The following TBC1D4 variants were observed in gnomAD, a reference collection of about 807,000 sequenced individuals.
TBC1D4 encodes TBC1 domain family member 4.
In TBC1D4, 121 loss-of-function variants were observed where a neutral mutation model predicts 142.5. The observed-to-expected ratio is 0.85, with a 90% CI of 0.73 to 0.99. TBC1D4 has a LOEUF of 0.99. Ranked by LOEUF, TBC1D4 falls within the 50% of genes least tolerant of loss-of-function variation. TBC1D4 has a pLI of 0.00. For missense variants in TBC1D4, 1,475 were observed against 1,606.6 expected, an observed-to-expected ratio of 0.92 and a Z score of 1.40; for synonymous variants, 630 against 628.2, an observed-to-expected ratio of 1.00 and a Z score of -0.04.
intron 13 of TBC1D4, among the ~76,000 whole-genome samples, chr13:75,312,067 A>G (rs1877809377): frequency 6.6e-6 from 1 of 152,046 alleles, no homozygotes; most frequent in African/African-American, 2.4e-5. Context: ...ATCATTATGT[A>G]TGTTCTCATG....
chr13:75,407,946 C>T (rs1473583731), intron 1 of TBC1D4, among the ~76,000 whole-genome samples: 1 of 151,994 alleles, frequency 6.6e-6, no homozygotes, highest in Non-Finnish European at 1.5e-5. Context: ...AAATAAGCTA[C>T]CATATTTTTA....
chr13:75,324,378 A>G lies in TBC1D4; in HGVS notation c.2057T>C (p.Met686Thr), dbSNP rs745870416. The change falls in exon 11 of 21, where the codon ATG becomes ACG. Residue 686 changes from methionine to threonine, a missense_variant. By Grantham distance (81) the Met-to-Thr change is moderately conservative. This residue lies in a region of TBC1D4 where 1,227 missense variants were observed against 1,267.7 expected (regional missense o/e 0.97). Coordinates refer to ENST00000377636, the MANE Select transcript of TBC1D4 (RefSeq NM_014832.5). ...QCSNLSSVRRMYKESNSSSSL... is the reference protein window; with the variant it reads ...QCSNLSSVRRTYKESNSSSSL... Reference sequence around the variant, plus strand: ...GGAGGAAGAATTACTCTCCTTGTACATGCGTCGAACTGACGAAAGATTGCT... The same window carrying G: ...GGAGGAAGAATTACTCTCCTTGTACGTGCGTCGAACTGACGAAAGATTGCT... 1.2e-6 allele frequency: 2 copies of G among 1,614,030 alleles called. No homozygotes were observed. The highest frequency in any genetic ancestry group is 8.5e-7 in the Non-Finnish European group (1 of 1,179,898).
chr13:75,383,584 T>C (rs1484441775), intron 1 of TBC1D4, among the ~76,000 whole-genome samples: 1 of 152,170 alleles, frequency 6.6e-6, no homozygotes, highest in African/African-American at 2.4e-5. Context: ...TTGGAGAGGG[T>C]CCACATTCAC....
At chr13:75,409,888 A>C (rs1885538475) in intron 1 of TBC1D4, among the ~76,000 whole-genome samples, 1 of 152,300 alleles carries the variant, frequency 6.6e-6, no homozygotes, top group South Asian at 2.1e-4. Context: ...GCCCTGCTAT[A>C]TCATCTCTGG....
At chr13:75,453,176 T>A (rs1285284493) in intron 1 of TBC1D4, among the ~76,000 whole-genome samples, 1 of 151,722 alleles carries the variant, frequency 6.6e-6, no homozygotes, top group African/African-American at 2.4e-5. Context: ...TTATATTACT[T>A]TATAAATAGT....
chr13:75,367,042 A>G (rs1480137402), intron 1 of TBC1D4: 1 of 947,368 alleles, frequency 1.1e-6, no homozygotes, highest in Non-Finnish European at 1.3e-6. Context: ...TTTTCATTGT[A>G]TTTATTAAAG....
chr13:75,461,804 C>G, intron 1 of TBC1D4, among the ~76,000 whole-genome samples: 1 of 152,214 alleles, frequency 6.6e-6, no homozygotes, highest in East Asian at 1.9e-4. Context: ...CACTCTTCAA[C>G]CAGGCCCTGA....
chr13:75,331,097 T>C (rs542767066), intron 8 of TBC1D4, among the ~76,000 whole-genome samples: 1 of 152,294 alleles, frequency 6.6e-6, no homozygotes, highest in Non-Finnish European at 1.5e-5. Context: ...TACTTTAAAA[T>C]TATACTCTAC....
At chr13:75,418,521 G>A (rs1054173343) in intron 1 of TBC1D4, among the ~76,000 whole-genome samples, 6 of 152,144 alleles carry the variant, frequency 3.9e-5, no homozygotes, top group Admixed American at 3.9e-4. Flanking sequence ...TTAGCTATTA[G>A]GCCAAAGCTT....
chr13:75,362,378 T>G lies in TBC1D4; in HGVS notation c.728A>C (p.Gln243Pro). Residue 243 changes from glutamine (Q) to proline (P), a missense_variant, in exon 2 of 21, where the codon CAG becomes CCG. Around this residue, in one of 2 missense-constraint regions of TBC1D4, gnomAD observed 1,227 missense variants for 1,267.7 expected, o/e 0.97. Transcript: ENST00000377636. This position sits in a 1 kb window ranked among gnomAD's most constrained non-coding sequence, Gnocchi z 4.2. ...GTCCTCTCCTGGGTCCGGACCGCGCTGCTCCCCTTGGATCTTCAGGCGCTG... is the reference window on the plus strand; with the variant it reads ...GTCCTCTCCTGGGTCCGGACCGCGCGGCTCCCCTTGGATCTTCAGGCGCTG... ...EQQRLKIQGE[Q>P]RGPDPGEDLA... The G allele has an allele frequency of 6.2e-7, 1 of 1,614,208 alleles. No homozygotes were observed. Among genetic ancestry groups the G allele is most frequent in the Non-Finnish European group, 8.5e-7 (1 of 1,180,024 alleles).
Position 75,481,782 on chromosome 13 carries a change from C to T in TBC1D4, c.-15G>A, listed in dbSNP as rs1593936036. On this transcript the variant is annotated 5_prime_UTR_variant, in exon 1 of 21. Transcript: ENST00000377636. ...GGCGGCTCCATAACTCTCGCCTCAC[C>T]AGGGCACCGCGGAGGCCGGCCGGGC... 7 of 1,520,214 alleles carry T rather than the reference C, an allele frequency of 4.6e-6. No individual in the cohort carries two copies. Among genetic ancestry groups the T allele is most frequent in the Non-Finnish European group, 6.1e-6 (7 of 1,143,072 alleles). The allele number at this position is 1,520,214 out of a possible 1,614,324, so 94.2% of individuals were successfully genotyped here. A position where few individuals can be genotyped will look rare whatever the true frequency, so the allele number is the denominator to read the frequency against.
intron 5 of TBC1D4, among the ~76,000 whole-genome samples, chr13:75,347,035 T>G (rs1476250694): frequency 3.3e-5 from 5 of 152,160 alleles, no homozygotes; most frequent in South Asian, 4.1e-4. Context: ...TACATAAAAG[T>G]TTTTCTTATC....
In TBC1D4 at chr13:75,284,018, G is replaced by A. The variant is rs535359842; in HGVS notation, c.*2774C>T. Among the ~76,000 whole-genome samples the A allele has an allele frequency of 6.6e-6, 1 of 152,064 alleles. No homozygotes were observed. The highest frequency in any genetic ancestry group is 6.6e-5 in the Admixed American group (1 of 15,266). Reference sequence around the variant, plus strand: ...CCTCCCAGGTTCAAACTATTCTCCAGCCTCCTATAAGTAGCAATATATGCC... The same window carrying A: ...CCTCCCAGGTTCAAACTATTCTCCAACCTCCTATAAGTAGCAATATATGCC... On this transcript the variant is annotated 3_prime_UTR_variant, in exon 21 of 21. Coordinates refer to ENST00000377636, the MANE Select transcript of TBC1D4 (RefSeq NM_014832.5).
chr13:75,320,850 C>T (rs1878695820), intron 11 of TBC1D4, among the ~76,000 whole-genome samples: 1 of 143,218 alleles, frequency 7.0e-6, no homozygotes, highest in Non-Finnish European at 1.5e-5. Flanking sequence ...GGTGAAACCC[C>T]GTCTCTACTA....
chr13:75,327,679 G>C, intron 9 of TBC1D4, 73 bp downstream of exon 9: 3 of 1,320,166 alleles, frequency 2.3e-6, no homozygotes, highest in Non-Finnish European at 3.3e-6. Flanking sequence ...ATAAAAAATG[G>C]AGCATGCATA....
Position 75,342,527 on chromosome 13 carries a change from A to AT in TBC1D4, c.1409-941dup, listed in dbSNP as rs143587468. ...TATTTAGTGAACTTTCAATGTTATT[A>AT]TTTTATCAAGAAATCATTTACTTCT... On this transcript the variant is annotated intron_variant, in intron 5 of 20. Transcript: ENST00000377636. Among the ~76,000 whole-genome samples the AT allele has an allele frequency of 9.3e-3, 1,417 of 152,270 alleles. 17 individuals are homozygous for AT. Among genetic ancestry groups the AT allele is most frequent in the African/African-American group, 0.032 (1,337 of 41,570 alleles).
chr13:75,370,463 G>T (rs1250426245), intron 1 of TBC1D4, among the ~76,000 whole-genome samples: 1 of 152,204 alleles, frequency 6.6e-6, no homozygotes, highest in Non-Finnish European at 1.5e-5. Flanking sequence ...GTGAGCCATT[G>T]GTAGCTCACA....
intron 17 of TBC1D4, among the ~76,000 whole-genome samples, chr13:75,296,853 GA>G (rs1875981639): frequency 6.6e-6 from 1 of 152,134 alleles, no homozygotes; most frequent in South Asian, 2.1e-4. Context: ...ACATTTTACA[GA>G]TAAGGTAACT....
At chr13:75,438,918 A>G (rs1231445034) in intron 1 of TBC1D4, among the ~76,000 whole-genome samples, 1 of 152,186 alleles carries the variant, frequency 6.6e-6, no homozygotes, top group Non-Finnish European at 1.5e-5. Context: ...GATAGGAGAT[A>G]AAAGTATTTC....
Sources: allele counts gnomAD v4.1 joint callset (sites outside exome capture counted in the v4.1 genomes callset), GRCh38; gene constraint gnomAD v4.1.1; regional missense constraint gnomAD v4.1.1; non-coding constraint Gnocchi (gnomAD v3.1); transcripts MANE v1.5; gene names NCBI Gene and HGNC (gene_info 2026-07-23, HGNC 2026-07-21).